Variants in ADARB1 observed in about 807,000 individuals in gnomAD.
The protein encoded by ADARB1 is adenosine deaminase RNA specific B1.
In ADARB1, 10 loss-of-function variants were observed where a neutral mutation model predicts 52.4. The observed-to-expected ratio is 0.19, with a 90% CI of 0.12 to 0.32. The LOEUF is 0.32. ADARB1 is among the 10% of genes least tolerant of loss of function. The pLI, the probability that ADARB1 is intolerant of heterozygous loss-of-function variation, is 1.00. For missense variants in ADARB1, 643 were observed against 922.3 expected, an observed-to-expected ratio of 0.70 and a Z score of 3.92; for synonymous variants, 349 against 371.1, an observed-to-expected ratio of 0.94 and a Z score of 0.68.
At chr21:45,155,391 C>T (rs1315345943) in intron 2 of ADARB1, among the ~76,000 whole-genome samples, 2 of 152,110 alleles carry the variant, frequency 1.3e-5, no homozygotes, top group African/African-American at 4.8e-5. Flanking sequence ...TCTCTGGTGC[C>T]AGCCATGACT....
At chr21:45,092,751 G>C (rs557743207) in intron 1 of ADARB1, among the ~76,000 whole-genome samples, 1 of 152,294 alleles carries the variant, frequency 6.6e-6, no homozygotes, top group African/African-American at 2.4e-5. Flanking sequence ...AAACAGAGCA[G>C]ACAAGGCAGA....
At position 45,080,551 on chromosome 21, in the gene ADARB1, A is replaced by G. The variant is rs116815656; in HGVS notation, c.-220+5758A>G. ...AAATCATGGTTTTGTCCTCAGTCCTAAAAAGTTCGGAATCTCACCCTAGGA... is the reference window on the plus strand; with the variant it reads ...AAATCATGGTTTTGTCCTCAGTCCTGAAAAGTTCGGAATCTCACCCTAGGA... On this transcript the variant is annotated intron_variant, in intron 1 of 10. Coordinates refer to ENST00000348831, the MANE Select transcript of ADARB1 (RefSeq NM_001112.4). Among the ~76,000 whole-genome samples the G allele has an allele frequency of 2.5e-3, 388 of 152,382 alleles. 1 individual carries two copies. Among genetic ancestry groups the G allele is most frequent in the African/African-American group, 8.4e-3 (350 of 41,606 alleles).
At chr21:45,101,381 A>C (rs942939451) in intron 1 of ADARB1, among the ~76,000 whole-genome samples, 1 of 152,194 alleles carries the variant, frequency 6.6e-6, no homozygotes, top group Non-Finnish European at 1.5e-5. Flanking sequence ...CCAGTCGCCG[A>C]GTGCTGGGTG....
chr21:45,144,238 A>G (rs957325562), intron 2 of ADARB1, among the ~76,000 whole-genome samples: 2 of 152,176 alleles, frequency 1.3e-5, no homozygotes, highest in Non-Finnish European at 2.9e-5. Context: ...TCCCCTTCTT[A>G]TAAGAGTAGA....
At chr21:45,188,352 C>CT (rs1057459848) in intron 8 of ADARB1, among the ~76,000 whole-genome samples, 65 of 152,184 alleles carry the variant, frequency 4.3e-4, no homozygotes, top group Non-Finnish European at 8.8e-5. Flanking sequence ...GGTGATTCAC[C>CT]TGCCTCGGCC....
intron 1 of ADARB1, among the ~76,000 whole-genome samples, chr21:45,082,284 A>G (rs12483020): frequency 0.085 from 12,946 of 152,246 alleles, 648 homozygotes; most frequent in East Asian, 0.16. Context: ...TTCATAACTT[A>G]AATATATTGT....
chr21:45,163,868 G>A (rs1394851652), intron 2 of ADARB1, among the ~76,000 whole-genome samples: 1 of 152,140 alleles, frequency 6.6e-6, no homozygotes, highest in Non-Finnish European at 1.5e-5. Context: ...TTTGGTTTGG[G>A]GCCATTGGCC....
intron 2 of ADARB1, chr21:45,134,689 A>AT (rs11369444): frequency 0.49 from 197,324 of 404,746 alleles, 39,602 homozygotes; most frequent in African/African-American, 0.59. Flanking sequence ...ACTTGCACAG[A>AT]TTTTTTTTTT....
chr21:45,205,159 G>C (rs2092642623), intron 9 of ADARB1, among the ~76,000 whole-genome samples: 2 of 152,142 alleles, frequency 1.3e-5, no homozygotes, highest in Non-Finnish European at 1.5e-5. Context: ...TACTTGGGAG[G>C]CTGAGGTGGG....
At chr21:45,097,437 AT>A (rs111570359) in intron 1 of ADARB1, among the ~76,000 whole-genome samples, 3,505 of 141,826 alleles carry the variant, frequency 0.025, 121 homozygotes, top group African/African-American at 0.08. Flanking sequence ...GAGAATCATG[AT>A]TTTTTTTTTT....
At chr21:45,219,073 AC>A (rs1484807973) in intron 9 of ADARB1, among the ~76,000 whole-genome samples, 1 of 152,254 alleles carries the variant, frequency 6.6e-6, no homozygotes, top group African/African-American at 2.4e-5. Flanking sequence ...GATCGTTTAA[AC>A]ACAGCAAGAA....
intron 9 of ADARB1, among the ~76,000 whole-genome samples, chr21:45,219,326 C>G (rs1366338487): frequency 6.6e-6 from 1 of 152,138 alleles, no homozygotes; most frequent in Non-Finnish European, 1.5e-5. Context: ...GAGATTGAGA[C>G]CATCCTGGCC....
chr21:45,224,897 G>A lies in ADARB1; in HGVS notation c.*2700G>A, dbSNP rs1602102696. 3.0e-6 allele frequency: 3 copies of A among 985,742 alleles called. No individual in the cohort carries two copies. Among genetic ancestry groups the A allele is most frequent in the Non-Finnish European group, 3.6e-6 (3 of 829,906 alleles). The allele number at this position is 985,742 out of a possible 1,614,324, so 61.1% of individuals were successfully genotyped here. On this transcript the variant is annotated 3_prime_UTR_variant, in exon 11 of 11. Transcript: ENST00000348831. ...TTAATCCCTCCCTTCTGAGCGCTCG[G>A]TGTGCACTTTTAGACTATAGCTGTT... is the stretch of plus-strand genomic sequence containing the variant.
chr21:45,142,149 C>T lies in ADARB1; in HGVS notation c.-48+13576C>T, dbSNP rs2089762363. On this transcript the variant is annotated intron_variant, in intron 2 of 10. Transcript: ENST00000348831. The surrounding 1 kb of genome is among the most constrained non-coding windows in gnomAD (Gnocchi z 4.0). The stretch of plus-strand genomic sequence containing the variant: ...CACCCTTGGTCACTGTCTGTGGGTG[C>T]TTGCTTGCTTTAAGCCACATTATGC... 6.6e-6 allele frequency among the ~76,000 whole-genome samples: 1 copy of T among 152,216 alleles called. No homozygotes were observed. Among genetic ancestry groups the T allele is most frequent in the Non-Finnish European group, 1.5e-5 (1 of 68,032 alleles).
chr21:45,225,810 A>G lies in ADARB1; in HGVS notation c.*3613A>G. The G allele has an allele frequency of 2.7e-6, 1 of 376,960 alleles. No individual in the cohort carries two copies. Among genetic ancestry groups the G allele is most frequent in the East Asian group, 3.8e-5 (1 of 26,322 alleles). 23.4% of individuals were successfully genotyped at this position (376,960 alleles called of 1,614,324 possible). A position where few individuals can be genotyped will look rare whatever the true frequency, so the allele number is the denominator to read the frequency against. On this transcript the variant is annotated 3_prime_UTR_variant, in exon 11 of 11. Coordinates refer to ENST00000348831, the MANE Select transcript of ADARB1 (RefSeq NM_001112.4). Reference sequence around the variant, plus strand: ...CAAAAGATTCCTTTTTATCATCCCCACGCTGTGTAAGTGGAAAGGGCATTG... The same window carrying G: ...CAAAAGATTCCTTTTTATCATCCCCGCGCTGTGTAAGTGGAAAGGGCATTG...
At chr21:45,129,907 C>A (rs1401223980) in intron 2 of ADARB1, among the ~76,000 whole-genome samples, 1 of 152,118 alleles carries the variant, frequency 6.6e-6, no homozygotes, top group Non-Finnish European at 1.5e-5. Context: ...GTAACTGGTT[C>A]CCTAGCGAGA....
intron 2 of ADARB1, among the ~76,000 whole-genome samples, chr21:45,160,144 C>T (rs956328738): frequency 7.2e-5 from 11 of 152,200 alleles, no homozygotes; most frequent in African/African-American, 2.2e-4. Context: ...GTAGGGGCTG[C>T]CTTCTGTCAA....
intron 2 of ADARB1, among the ~76,000 whole-genome samples, chr21:45,139,932 T>A (rs1357175398): frequency 2.1e-5 from 2 of 96,924 alleles, no homozygotes; most frequent in Non-Finnish European, 4.0e-5. Context: ...ACAATAAAAC[T>A]CTTTTTTTTT....
intron 9 of ADARB1, among the ~76,000 whole-genome samples, chr21:45,206,509 A>C (rs1398079716): frequency 1.3e-5 from 2 of 150,378 alleles, no homozygotes; most frequent in East Asian, 3.9e-4. Flanking sequence ...TAGAGACTTC[A>C]AAGTTACTGA....
Sources: gnomAD v4.1 joint callset for allele counts (sites outside exome capture counted in the v4.1 genomes callset) on GRCh38, gnomAD v4.1.1 for gene constraint, Gnocchi (gnomAD v3.1) non-coding constraint, MANE v1.5 for transcripts, NCBI Gene and HGNC (gene_info 2026-07-23, HGNC 2026-07-21) for gene names.